Variants in MGAT5 observed in about 807,000 individuals in gnomAD.
MGAT5 encodes alpha-1,6-mannosylglycoprotein 6-beta-N-acetylglucosaminyltransferase A.
A neutral mutation model predicts 94.3 loss-of-function variants in MGAT5; 30 were observed. That is an observed-to-expected ratio of 0.32 (90% CI 0.24 to 0.43). The LOEUF (loss-of-function observed/expected upper bound fraction) is 0.43, where lower values mean the gene tolerates loss of function less well. Among genes scored for constraint, MGAT5 ranks in the 20% least tolerant of loss-of-function variants. The pLI is 1.00. For synonymous variants in MGAT5, 310 were observed against 322.9 expected, an observed-to-expected ratio of 0.96 and a Z score of 0.43; for missense variants, 691 against 905.5, an observed-to-expected ratio of 0.76 and a Z score of 3.04.
chr2:134,294,588 TC>T (rs1685560134), intron 2 of MGAT5, among the ~76,000 whole-genome samples: 1 of 152,150 alleles, frequency 6.6e-6, no homozygotes, highest in African/African-American at 2.4e-5. Flanking sequence ...AAGACTTTCC[TC>T]CCCGTCTAAT....
intron 1 of MGAT5, among the ~76,000 whole-genome samples, chr2:134,183,199 A>G (rs1401210035): frequency 6.6e-6 from 1 of 152,230 alleles, no homozygotes; most frequent in East Asian, 1.9e-4. Flanking sequence ...TGGTAGAGTC[A>G]CAAAAATTCC....
intron 1 of MGAT5, among the ~76,000 whole-genome samples, chr2:134,265,971 C>G (rs1294723007): frequency 6.6e-6 from 1 of 151,630 alleles, no homozygotes; most frequent in Non-Finnish European, 1.5e-5. Flanking sequence ...AGTTTGAGAC[C>G]AGCCTGACCA....
chr2:134,430,871 A>T (rs970189043), intron 14 of MGAT5, among the ~76,000 whole-genome samples: 2 of 152,214 alleles, frequency 1.3e-5, no homozygotes, highest in African/African-American at 2.4e-5. Flanking sequence ...TTCATGGAGA[A>T]GGCAGCCAAG....
chr2:134,290,911 T>C (rs1205649235), intron 2 of MGAT5, among the ~76,000 whole-genome samples: 1 of 152,236 alleles, frequency 6.6e-6, no homozygotes, highest in East Asian at 1.9e-4. Flanking sequence ...GGATCAATTA[T>C]GTGACTCAGT....
Position 134,341,770 on chromosome 2 carries a change from T to G in MGAT5, c.977+11T>G. ...GGCTGAGCTCAAGGAGTAAGGAGAT[T>G]ACTTTTCAATTTTAAAATCAGAATA... is the stretch of plus-strand genomic sequence containing the variant. On this transcript the variant is annotated intron_variant, in intron 7 of 15. Coordinates refer to ENST00000281923, the MANE Select transcript of MGAT5 (RefSeq NM_002410.5). 1 of 1,582,616 alleles carries G rather than the reference T, an allele frequency of 6.3e-7. No individual in the cohort carries two copies. The highest frequency in any genetic ancestry group is 8.6e-7 in the Non-Finnish European group (1 of 1,168,578).
intron 4 of MGAT5, among the ~76,000 whole-genome samples, chr2:134,324,888 G>T (rs1191548548): frequency 1.3e-5 from 2 of 151,940 alleles, no homozygotes; most frequent in African/African-American, 4.8e-5. Flanking sequence ...AAAGGAGGTG[G>T]CAGAGATTTA....
chr2:134,263,941 T>C (rs1234370649), intron 1 of MGAT5, among the ~76,000 whole-genome samples: 2 of 151,630 alleles, frequency 1.3e-5, no homozygotes, highest in African/African-American at 2.4e-5. Context: ...TACGTACATG[T>C]GTGTATATGT....
chr2:134,225,777 TTATCTC>T (rs1681028871), intron 1 of MGAT5, among the ~76,000 whole-genome samples: 1 of 152,182 alleles, frequency 6.6e-6, no homozygotes, highest in African/African-American at 2.4e-5. Flanking sequence ...AGGGAAAACT[TTATCTC>T]AATAAACTAC....
chr2:134,172,599 G>A (rs1309235512), intron 1 of MGAT5, among the ~76,000 whole-genome samples: 4 of 152,128 alleles, frequency 2.6e-5, no homozygotes, highest in African/African-American at 9.7e-5. Flanking sequence ...TGTTAGCCAG[G>A]ATGGTCTCGA....
At chr2:134,320,461 G>A in intron 4 of MGAT5, among the ~76,000 whole-genome samples, 1 of 151,978 alleles carries the variant, frequency 6.6e-6, no homozygotes, top group East Asian at 1.9e-4. Flanking sequence ...AGAACCTCTT[G>A]GGAATCAAAA....
chr2:134,348,922 T>C (rs1028540162), intron 8 of MGAT5, among the ~76,000 whole-genome samples: 4 of 152,148 alleles, frequency 2.6e-5, no homozygotes, highest in African/African-American at 9.7e-5. Context: ...CCAGTAAACA[T>C]TGTAAGCTTT....
At chr2:134,246,693 C>G (rs2105470163) in intron 1 of MGAT5, among the ~76,000 whole-genome samples, 2 of 152,310 alleles carry the variant, frequency 1.3e-5, no homozygotes, top group Admixed American at 1.3e-4. Context: ...AGGTCTCTTC[C>G]TTTCTGAGTT....
chr2:134,237,154 T>C (rs1004402710), intron 1 of MGAT5, among the ~76,000 whole-genome samples: 32 of 124,156 alleles, frequency 2.6e-4, no homozygotes, highest in African/African-American at 8.6e-4. Flanking sequence ...TGTGTGCGCG[T>C]GTGTGTGAAT....
intron 10 of MGAT5, among the ~76,000 whole-genome samples, chr2:134,398,682 T>G (rs539486322): frequency 9.2e-5 from 14 of 152,262 alleles, no homozygotes; most frequent in African/African-American, 3.1e-4. Flanking sequence ...TTAGCTTGAG[T>G]GTCCATCAGC....
chr2:134,126,733 C>T (rs1271501241), intron 1 of MGAT5, among the ~76,000 whole-genome samples: 1 of 152,228 alleles, frequency 6.6e-6, no homozygotes, highest in Non-Finnish European at 1.5e-5. Flanking sequence ...TGACCAGGCT[C>T]ATAGCCTTCT....
chr2:134,178,044 G>A (rs552576794), intron 1 of MGAT5, among the ~76,000 whole-genome samples: 52 of 151,940 alleles, frequency 3.4e-4, no homozygotes, highest in African/African-American at 9.9e-4. Flanking sequence ...TTTTTTCTTC[G>A]TGCAGTGGTG....
chr2:134,288,485 C>A (rs1396152708), intron 2 of MGAT5, among the ~76,000 whole-genome samples: 5 of 149,100 alleles, frequency 3.4e-5, no homozygotes, highest in Non-Finnish European at 5.9e-5. Flanking sequence ...ACGTGGACAG[C>A]AAATCTAGAA....
intron 2 of MGAT5, among the ~76,000 whole-genome samples, chr2:134,279,187 C>A (rs1194882623): frequency 6.6e-6 from 1 of 152,222 alleles, no homozygotes; most frequent in African/African-American, 2.4e-5. Context: ...ACGCTGATGG[C>A]CATGCTTTCA....
intron 1 of MGAT5, among the ~76,000 whole-genome samples, chr2:134,266,507 C>T (rs1252079587): frequency 1.3e-5 from 2 of 152,206 alleles, no homozygotes; most frequent in East Asian, 1.9e-4. Flanking sequence ...AGGCGTGAGC[C>T]GCCGCGCCAG....
Sources: allele counts gnomAD v4.1 joint callset (sites outside exome capture counted in the v4.1 genomes callset), GRCh38; gene constraint gnomAD v4.1.1; transcripts MANE v1.5; gene names NCBI Gene and HGNC (gene_info 2026-07-23, HGNC 2026-07-21).